PPP6R2: variants seen among roughly 807,000 people sequenced by gnomAD.
PPP6R2 encodes the protein protein phosphatase 6 regulatory subunit 2.
In PPP6R2, 62 loss-of-function variants were observed where a neutral mutation model predicts 100.2. The ratio of observed to expected loss-of-function variants is 0.62; its 90% CI spans 0.50 to 0.76. The LOEUF is 0.76. Among genes scored for constraint, PPP6R2 ranks in the 30% least tolerant of loss-of-function variants. The pLI, the probability that PPP6R2 is intolerant of heterozygous loss-of-function variation, is 0.00. For synonymous variants in PPP6R2, 525 were observed against 514.7 expected, an observed-to-expected ratio of 1.02 and a Z score of -0.27; for missense variants, 1,142 against 1,276.3, an observed-to-expected ratio of 0.89 and a Z score of 1.60.
intron 1 of PPP6R2, among the ~76,000 whole-genome samples, chr22:50,370,578 C>T (rs545751300): frequency 2.7e-4 from 41 of 152,106 alleles, no homozygotes; most frequent in East Asian, 9.7e-4. Context: ...TGAGCCACCA[C>T]GCCTGGCCAC....
chr22:50,374,600 G>T (rs1041345427), intron 2 of PPP6R2, among the ~76,000 whole-genome samples: 2 of 152,086 alleles, frequency 1.3e-5, no homozygotes, highest in Non-Finnish European at 2.9e-5. Flanking sequence ...ATCACAATAT[G>T]TCCCAATCAA....
rs1216145865 is a variant in PPP6R2, at chr22:50,444,501, C to T, written c.*254C>T. The T allele has an allele frequency of 4.0e-6, 1 of 251,952 alleles. No individual in the cohort carries two copies. Among genetic ancestry groups the T allele is most frequent in the Non-Finnish European group, 7.1e-6 (1 of 140,250 alleles). 15.6% of individuals were successfully genotyped at this position (251,952 alleles called of 1,614,324 possible). The stretch of plus-strand genomic sequence containing the variant: ...AGCCGCCCCCAAGCCCAGAGCACAG[C>T]AATAAGGTCGGCCTGCAGGAGCCGG... On this transcript the variant is annotated 3_prime_UTR_variant, in exon 24 of 24. Coordinates refer to ENST00000612753, the MANE Select transcript of PPP6R2 (RefSeq NM_001242898.2).
At chr22:50,336,530 C>A in the PPP6R2 span, among the ~76,000 whole-genome samples, 1 of 152,108 alleles carries the variant, frequency 6.6e-6, no homozygotes, top group African/African-American at 2.4e-5. Context: ...CGTGCATCAC[C>A]ATGCCCAGCT....
At chr22:50,380,846 G>T (rs991186480) in intron 2 of PPP6R2, among the ~76,000 whole-genome samples, 1 of 151,278 alleles carries the variant, frequency 6.6e-6, no homozygotes, top group African/African-American at 2.4e-5. Context: ...AAAATTAGCC[G>T]GGCGTGGTGG....
At chr22:50,339,012 GTGGT>G (rs1289770742), upstream of PPP6R2, among the ~76,000 whole-genome samples, 4 of 135,892 alleles carry the variant, frequency 2.9e-5, no homozygotes, top group African/African-American at 8.1e-5. Context: ...TATGTGGTGT[GTGGT>G]GTGTGTGTGT....
At chr22:50,344,076 T>C (rs1213188409) in intron 1 of PPP6R2, among the ~76,000 whole-genome samples, 1 of 34 alleles carries the variant, frequency 0.029, no homozygotes, top group African/African-American at 0.12. Flanking sequence ...GTGCCCCCTC[T>C]AGTCAGTTCC....
intron 21 of PPP6R2, among the ~76,000 whole-genome samples, chr22:50,440,545 A>G (rs567929764): frequency 6.6e-6 from 1 of 152,284 alleles, no homozygotes; most frequent in African/African-American, 2.4e-5. Flanking sequence ...GGACCACACG[A>G]GGCGGAGTGG....
rs573873997 is a variant in PPP6R2 at position 50,415,778 on chromosome 22, G to A, written c.553-314G>A. 2.7e-4 allele frequency among the ~76,000 whole-genome samples: 41 copies of A among 152,358 alleles called. No homozygotes were observed. The South Asian group carries it at 7.0e-3, about 26-fold the overall frequency. ...GGCTTCTCTGGCTTCAGCATCCAGCGGGGCTCCTGAGCTATAGCTTGTGTG... is the reference window on the plus strand; with the variant it reads ...GGCTTCTCTGGCTTCAGCATCCAGCAGGGCTCCTGAGCTATAGCTTGTGTG... On this transcript the variant is annotated intron_variant, in intron 5 of 23. Coordinates refer to ENST00000612753, the MANE Select transcript of PPP6R2 (RefSeq NM_001242898.2).
intron 6 of PPP6R2, 64 bp from the exon 7 acceptor site, chr22:50,418,803 G>A (rs986303190): frequency 7.6e-7 from 1 of 1,313,044 alleles, no homozygotes; most frequent in Non-Finnish European, 1.1e-6. Flanking sequence ...TGTGTGCCCA[G>A]CAGGGCTGGT....
chr22:50,353,130 A>C (rs2045688263), intron 1 of PPP6R2, among the ~76,000 whole-genome samples: 1 of 152,212 alleles, frequency 6.6e-6, no homozygotes, highest in South Asian at 2.1e-4. Flanking sequence ...TTATGTCTTC[A>C]CTGGAGTAGC....
chr22:50,436,532 C>T, intron 14 of PPP6R2, 80 bp downstream of exon 14: 4 of 1,439,968 alleles, frequency 2.8e-6, no homozygotes, highest in Non-Finnish European at 3.8e-6. Flanking sequence ...TGCCCTGAGG[C>T]AGAGGCCAAG....
chr22:50,441,647 G>C (rs1318097444), intron 22 of PPP6R2, among the ~76,000 whole-genome samples: 1 of 150,460 alleles, frequency 6.6e-6, no homozygotes, highest in Non-Finnish European at 1.5e-5. Flanking sequence ...GGCTGGCAGA[G>C]GCCCAGGCTC....
At chr22:50,429,903 T>C (rs994248959) in intron 10 of PPP6R2, among the ~76,000 whole-genome samples, 1 of 152,218 alleles carries the variant, frequency 6.6e-6, no homozygotes, top group Non-Finnish European at 1.5e-5. Flanking sequence ...ACTACGTTTC[T>C]GTGGAGAACA....
chr22:50,389,642 A>G (rs942141340), intron 2 of PPP6R2, among the ~76,000 whole-genome samples: 3 of 146,556 alleles, frequency 2.0e-5, no homozygotes, highest in Non-Finnish European at 4.5e-5. Context: ...TCTGTCGCCC[A>G]GGCTGGAGTG....
chr22:50,383,426 G>C (rs1161715895), intron 2 of PPP6R2, among the ~76,000 whole-genome samples: 1 of 152,114 alleles, frequency 6.6e-6, no homozygotes, highest in Non-Finnish European at 1.5e-5. Context: ...AGGGTTGCCC[G>C]TGTTTTCCCA....
At chr22:50,438,067 C>T (rs1167644507) in intron 17 of PPP6R2, 107 bp from the exon 18 acceptor site, 11 of 1,516,730 alleles carry the variant, frequency 7.3e-6, no homozygotes, top group Middle Eastern at 1.8e-4. Context: ...CCCTCCAGCC[C>T]GGGGCTCCCA....
At chr22:50,370,838 T>C (rs2050041108) in intron 1 of PPP6R2, among the ~76,000 whole-genome samples, 1 of 151,824 alleles carries the variant, frequency 6.6e-6, no homozygotes, top group South Asian at 2.1e-4. Context: ...TTCACCATGT[T>C]GGCCAGGCTA....
At chr22:50,366,579 C>T (rs907925639) in intron 1 of PPP6R2, among the ~76,000 whole-genome samples, 2 of 152,258 alleles carry the variant, frequency 1.3e-5, no homozygotes, top group East Asian at 1.9e-4. Flanking sequence ...GCTGGGATTA[C>T]AGGTGTGAGC....
chr22:50,444,384 T>A lies in PPP6R2; in HGVS notation c.*137T>A. On this transcript the variant is annotated 3_prime_UTR_variant, in exon 24 of 24. Transcript: ENST00000612753. ...ATGCTGCATTGGTAAAGCTGGCAGT[T>A]GAAACCAGTTGGACGGCCCAGCTTG... 8.5e-7 allele frequency: 1 copy of A among 1,180,690 alleles called. No individual in the cohort carries two copies. The highest frequency in any genetic ancestry group is 1.2e-6 in the Non-Finnish European group (1 of 842,082). 73.1% of individuals were successfully genotyped at this position (1,180,690 alleles called of 1,614,324 possible). A position where few individuals can be genotyped will look rare whatever the true frequency, so the allele number is the denominator to read the frequency against.
Sources: gnomAD v4.1 joint callset for allele counts (sites outside exome capture counted in the v4.1 genomes callset) on GRCh38, gnomAD v4.1.1 for gene constraint, MANE v1.5 for transcripts, NCBI Gene and HGNC (gene_info 2026-07-23, HGNC 2026-07-21) for gene names.